Variants in LPP observed in about 807,000 individuals in gnomAD.
LPP encodes the protein LIM domain containing preferred translocation partner in lipoma.
LPP carries 38 observed loss-of-function variants against 60.4 expected under a neutral mutation model. That is an observed-to-expected ratio of 0.63 (90% CI 0.49 to 0.83). The LOEUF (loss-of-function observed/expected upper bound fraction) is 0.83, where lower values mean the gene tolerates loss of function less well. LPP is among the 40% of genes least tolerant of loss of function. The probability of loss-of-function intolerance (pLI) is 0.00; values close to 1 mark genes in which losing one functional copy is unlikely to be tolerated. For synonymous variants in LPP, 328 were observed against 290.8 expected (o/e 1.13, Z -1.30); for missense variants, 902 against 783.6 (o/e 1.15, Z -1.80).
chr3:188,431,070 T>C (rs1316243672), intron 4 of LPP, among the ~76,000 whole-genome samples: 1 of 152,244 alleles, frequency 6.6e-6, no homozygotes, highest in East Asian at 1.9e-4. Flanking sequence ...CTCATACAGT[T>C]TTCTCTATAT....
At chr3:188,601,815 T>A (rs1324595774) in intron 6 of LPP, among the ~76,000 whole-genome samples, 1 of 152,068 alleles carries the variant, frequency 6.6e-6, no homozygotes, top group Non-Finnish European at 1.5e-5. Flanking sequence ...ACGCCTGTAA[T>A]CCCAACATTT....
At chr3:188,653,603 C>A (rs911124755) in intron 7 of LPP, among the ~76,000 whole-genome samples, 1 of 152,000 alleles carries the variant, frequency 6.6e-6, no homozygotes, top group African/African-American at 2.4e-5. Flanking sequence ...TGAAAGTCTG[C>A]AAAAATATTT....
At chr3:188,764,540 A>C (rs1327926847) in intron 9 of LPP, among the ~76,000 whole-genome samples, 1 of 152,180 alleles carries the variant, frequency 6.6e-6, no homozygotes, top group Non-Finnish European at 1.5e-5. Flanking sequence ...ATAAGGACAC[A>C]TATTAAAAGC....
At chr3:188,360,362 A>G (rs1430999051) in intron 3 of LPP, among the ~76,000 whole-genome samples, 2 of 152,160 alleles carry the variant, frequency 1.3e-5, no homozygotes, top group Non-Finnish European at 2.9e-5. Context: ...TCTGTTTTCC[A>G]GGATATTTAA....
At chr3:188,429,020 A>G (rs1790233242) in intron 4 of LPP, among the ~76,000 whole-genome samples, 1 of 152,258 alleles carries the variant, frequency 6.6e-6, no homozygotes, top group Admixed American at 6.5e-5. Context: ...AACAATGAGG[A>G]ACAATTAGAC....
Position 188,388,818 on chromosome 3 carries a change from G to A in LPP, c.-9-17294G>A, listed in dbSNP as rs1266724506. On this transcript the variant is annotated intron_variant, in intron 3 of 11. Transcript: ENST00000617246. ...CACCTGAGGTCCTCAAACTTTTTCT[G>A]TAAAGGGCCAAGTAGTAAATATTTT... Among the ~76,000 whole-genome samples, 3 of 152,180 alleles carry A rather than the reference G, an allele frequency of 2.0e-5. No homozygotes were observed. The East Asian group carries it at 5.8e-4, about 29-fold the overall frequency.
chr3:188,670,893 A>G (rs1419076453), intron 7 of LPP, among the ~76,000 whole-genome samples: 1 of 152,156 alleles, frequency 6.6e-6, no homozygotes, highest in East Asian at 1.9e-4. Context: ...TGCCATCCTA[A>G]GACTTCCATC....
At chr3:188,443,321 G>A (rs879662656) in intron 4 of LPP, among the ~76,000 whole-genome samples, 4 of 152,200 alleles carry the variant, frequency 2.6e-5, no homozygotes, top group Non-Finnish European at 4.4e-5. Context: ...TGGCTGCATA[G>A]CTTCAGTCTG....
chr3:188,756,311 T>A (rs1730218192), intron 8 of LPP, among the ~76,000 whole-genome samples: 1 of 152,236 alleles, frequency 6.6e-6, no homozygotes, highest in Non-Finnish European at 1.5e-5. Flanking sequence ...CCCCATCGGC[T>A]GCCGGCCCTC....
chr3:188,646,768 G>C (rs1318998613), intron 7 of LPP, among the ~76,000 whole-genome samples: 1 of 152,174 alleles, frequency 6.6e-6, no homozygotes, highest in Non-Finnish European at 1.5e-5. Context: ...TTCTCAGCTA[G>C]GAACAAAACA....
Position 188,883,961 on chromosome 3 carries a change from TTAAA to T in LPP, c.*9486_*9489del, listed in dbSNP as rs1770366805. The T allele has an allele frequency of 4.6e-6, 1 of 217,192 alleles. No individual in the cohort carries two copies. Among genetic ancestry groups the T allele is most frequent in the Non-Finnish European group, 9.2e-6 (1 of 108,124 alleles). 13.5% of individuals were successfully genotyped at this position (217,192 alleles called of 1,614,324 possible). A position where few individuals can be genotyped will look rare whatever the true frequency, so the allele number is the denominator to read the frequency against. On this transcript the variant is annotated 3_prime_UTR_variant, in exon 12 of 12. Coordinates refer to ENST00000617246, the MANE Select transcript of LPP (RefSeq NM_001375462.1). ...TCATTGCTCTGGATGACTATTTAGT[TTAAA>T]TAATATACCTTTGTCATGGGGAAGA...
intron 9 of LPP, among the ~76,000 whole-genome samples, chr3:188,794,735 T>A (rs905169038): frequency 6.6e-6 from 1 of 152,126 alleles, no homozygotes; most frequent in Non-Finnish European, 1.5e-5. Context: ...AAAGGTTTTT[T>A]TTTTCTTTAT....
At chr3:188,289,695 C>CT (rs1161605797) in intron 2 of LPP, among the ~76,000 whole-genome samples, 1 of 152,056 alleles carries the variant, frequency 6.6e-6, no homozygotes, top group African/African-American at 2.4e-5. Context: ...CATACGTAGA[C>CT]AGATAGTGCT....
At position 188,577,856 on chromosome 3, in the gene LPP, T is replaced by TCC. The variant is rs1835123235; in HGVS notation, c.430-31304_430-31303insCC. 2.1e-5 allele frequency among the ~76,000 whole-genome samples: 3 copies of TCC among 140,286 alleles called. 1 individual carries two copies. Among genetic ancestry groups the TCC allele is most frequent in the South Asian group, 5.1e-4 (2 of 3,920 alleles). 92.0% of individuals were successfully genotyped at this position (140,286 alleles called of 152,430 possible). A position where few individuals can be genotyped will look rare whatever the true frequency, so the allele number is the denominator to read the frequency against. On this transcript the variant is annotated intron_variant, in intron 6 of 11. Transcript: ENST00000617246. ...TCTTCTTTCTTGCCCTTTCTCTCTC[T>TCC]CTCTTTTCCTCTCCCCCTTCTGTCT... is the stretch of plus-strand genomic sequence containing the variant.
intron 6 of LPP, among the ~76,000 whole-genome samples, chr3:188,590,174 G>A (rs1838355588): frequency 7.1e-6 from 1 of 141,602 alleles, no homozygotes; most frequent in Admixed American, 6.8e-5. Context: ...ATTGTGTGCT[G>A]TGTTCTCCTC....
At chr3:188,793,361 TA>T (rs1160160063) in intron 9 of LPP, among the ~76,000 whole-genome samples, 1 of 152,084 alleles carries the variant, frequency 6.6e-6, no homozygotes, top group Non-Finnish European at 1.5e-5. Context: ...TTTGTATTTT[TA>T]GCAGAGATGG....
At chr3:188,171,012 C>T (rs1243404721) in intron 1 of LPP, among the ~76,000 whole-genome samples, 1 of 151,986 alleles carries the variant, frequency 6.6e-6, no homozygotes, top group Admixed American at 6.6e-5. Flanking sequence ...CCTTGTTTTT[C>T]ATATCTGTAT....
chr3:188,598,586 A>G (rs1301244322), intron 6 of LPP, among the ~76,000 whole-genome samples: 1 of 152,198 alleles, frequency 6.6e-6, no homozygotes, highest in African/African-American at 2.4e-5. Flanking sequence ...ACCTTGAAAC[A>G]TAACTGATTT....
At chr3:188,171,716 G>A (rs976331827) in intron 1 of LPP, among the ~76,000 whole-genome samples, 6 of 152,202 alleles carry the variant, frequency 3.9e-5, no homozygotes, top group Non-Finnish European at 8.8e-5. Flanking sequence ...CAGTCCATGA[G>A]GTATATTATC....
Sources: allele counts gnomAD v4.1 joint callset (sites outside exome capture counted in the v4.1 genomes callset), GRCh38; gene constraint gnomAD v4.1.1; transcripts MANE v1.5; gene names NCBI Gene and HGNC (gene_info 2026-07-23, HGNC 2026-07-21).